The following RBFOX1 variants were observed in gnomAD, a reference collection of about 807,000 sequenced individuals.
The protein encoded by RBFOX1 is RNA binding protein fox-1 homolog 1.
Under a neutral mutation model 57.7 loss-of-function variants are expected in RBFOX1, and 8 were observed. That is an observed-to-expected ratio of 0.14 (90% confidence interval 0.08 to 0.25). The LOEUF (loss-of-function observed/expected upper bound fraction) is 0.25. RBFOX1 is among the 10% of genes least tolerant of loss of function. The pLI, the probability that RBFOX1 is intolerant of heterozygous loss-of-function variation, is 1.00. For synonymous variants in RBFOX1, 326 were observed against 222.4 expected, an observed-to-expected ratio of 1.47 and a Z score of -4.15; for missense variants, 611 against 548.5, an observed-to-expected ratio of 1.11 and a Z score of -1.14.
chr16:7,496,993 C>T (rs770487999), intron 4 of RBFOX1, among the ~76,000 whole-genome samples: 7 of 152,076 alleles, frequency 4.6e-5, no homozygotes, highest in Non-Finnish European at 7.4e-5. Flanking sequence ...GGCTTTGTCA[C>T]GTCTCCCATA....
intron 2 of RBFOX1, among the ~76,000 whole-genome samples, chr16:5,590,705 A>G (rs948678115): frequency 2.0e-5 from 3 of 152,098 alleles, no homozygotes; most frequent in African/African-American, 4.8e-5. Flanking sequence ...TGGTCACCCT[A>G]CCCCAGGAGG....
At chr16:7,632,157 C>A (rs974735634) in intron 11 of RBFOX1, among the ~76,000 whole-genome samples, 1 of 152,204 alleles carries the variant, frequency 6.6e-6, no homozygotes. Context: ...GATCCATCCA[C>A]CTCAGCCTCC....
intron 3 of RBFOX1, among the ~76,000 whole-genome samples, chr16:5,665,970 G>A (rs1267095240): frequency 6.6e-6 from 1 of 152,234 alleles, no homozygotes; most frequent in East Asian, 1.9e-4. Flanking sequence ...ATGTCAAAGG[G>A]TGAATGGGAT....
At chr16:6,184,542 T>G (rs1043593314) in intron 1 of RBFOX1, among the ~76,000 whole-genome samples, 8 of 151,918 alleles carry the variant, frequency 5.3e-5, no homozygotes, top group Non-Finnish European at 1.2e-4. Context: ...GAGGGGTCAG[T>G]GTTTACTATG....
chr16:6,906,304 G>C (rs2069916102), intron 3 of RBFOX1, among the ~76,000 whole-genome samples: 1 of 151,836 alleles, frequency 6.6e-6, no homozygotes, highest in Non-Finnish European at 1.5e-5. Flanking sequence ...CTGTTGGCTG[G>C]GGTAATAAAA....
chr16:5,411,830 C>G (rs1470195269), intron 1 of RBFOX1, among the ~76,000 whole-genome samples: 1 of 152,088 alleles, frequency 6.6e-6, no homozygotes, highest in South Asian at 2.1e-4. Flanking sequence ...CTGCAATGAA[C>G]TCTGATTGCA....
intron 4 of RBFOX1, among the ~76,000 whole-genome samples, chr16:7,371,050 T>C (rs1446325931): frequency 6.6e-6 from 1 of 152,162 alleles, no homozygotes; most frequent in African/African-American, 2.4e-5. Flanking sequence ...CTGTATTTTG[T>C]TCTCCTCTCC....
At chr16:7,567,468 T>TAC (rs1395891974) in intron 5 of RBFOX1, among the ~76,000 whole-genome samples, 2 of 125,036 alleles carry the variant, frequency 1.6e-5, no homozygotes, top group Admixed American at 8.2e-5. Flanking sequence ...GCCCTATATA[T>TAC]ATATCCCTAT....
chr16:5,666,546 C>T (rs1331590380), intron 3 of RBFOX1, among the ~76,000 whole-genome samples: 2 of 152,152 alleles, frequency 1.3e-5, no homozygotes, highest in Non-Finnish European at 2.9e-5. Context: ...TCTGTTGGAA[C>T]AGATAGATGA....
rs549807880 is a variant in RBFOX1, at chr16:7,274,941, C to T, written c.27+222843C>T. On this transcript the variant is annotated intron_variant, in intron 4 of 15. Coordinates refer to ENST00000550418, the MANE Select transcript of RBFOX1 (RefSeq NM_018723.4). The stretch of plus-strand genomic sequence containing the variant: ...TGAAGTGACCTGCCTGCCTCGGCCT[C>T]CCAAAGTGCTGGAATTAGAGGTGTG... 2.6e-5 allele frequency among the ~76,000 whole-genome samples: 4 copies of T among 152,218 alleles called. No homozygotes were observed. The South Asian group carries it at 6.2e-4, about 24-fold the overall frequency.
At chr16:6,055,454 G>A (rs550039623) in intron 1 of RBFOX1, among the ~76,000 whole-genome samples, 3 of 151,972 alleles carry the variant, frequency 2.0e-5, no homozygotes, top group South Asian at 4.2e-4. Flanking sequence ...TTAGCGAGGT[G>A]TTGTGGTGCG....
At position 6,796,236 on chromosome 16, in the gene RBFOX1, A is replaced by T. The variant is rs191588311; in HGVS notation, c.-16+141586A>T. Among the ~76,000 whole-genome samples, 8 of 152,248 alleles carry T rather than the reference A, an allele frequency of 5.3e-5. No homozygotes were observed. The East Asian group carries it at 1.5e-3, about 29-fold the overall frequency. On this transcript the variant is annotated intron_variant, in intron 3 of 15. Transcript: ENST00000550418. ...GAAGAGACTTATTCACTATGAAGAG[A>T]ACAGTGAAGGAAAGACCCACCCCCG...
intron 4 of RBFOX1, among the ~76,000 whole-genome samples, chr16:7,344,157 C>G (rs1242210198): frequency 1.1e-5 from 1 of 89,848 alleles, no homozygotes; most frequent in Non-Finnish European, 2.1e-5. Flanking sequence ...CTGCAGTTTT[C>G]TCTTCGGTAA....
chr16:7,467,364 A>G (rs980645280), intron 4 of RBFOX1, among the ~76,000 whole-genome samples: 2 of 152,194 alleles, frequency 1.3e-5, no homozygotes, highest in African/African-American at 4.8e-5. Flanking sequence ...GGTCAACCAG[A>G]TTTTATCTGT....
intron 3 of RBFOX1, among the ~76,000 whole-genome samples, chr16:6,935,326 C>A (rs1206947152): frequency 6.6e-6 from 1 of 152,052 alleles, no homozygotes; most frequent in Non-Finnish European, 1.5e-5. Flanking sequence ...TGATAGTTTC[C>A]CTTCATAAAG....
chr16:6,092,853 G>C (rs1479854103), intron 1 of RBFOX1: 5 of 152,112 alleles, frequency 3.3e-5, no homozygotes, highest in Non-Finnish European at 5.9e-5. Context: ...ATTTGCTTAG[G>C]ATTGCCTTGA....
chr16:6,872,422 A>G (rs1181881184), intron 3 of RBFOX1, among the ~76,000 whole-genome samples: 2 of 151,938 alleles, frequency 1.3e-5, no homozygotes, highest in South Asian at 2.1e-4. Context: ...TCACCTTTTA[A>G]CACTTTAAGA....
intron 1 of RBFOX1, among the ~76,000 whole-genome samples, chr16:5,458,158 T>G (rs558420656): frequency 1.3e-5 from 2 of 152,370 alleles, no homozygotes; most frequent in South Asian, 2.1e-4. Flanking sequence ...AATTAAATAT[T>G]AATGTTGCAT....
upstream of RBFOX1, among the ~76,000 whole-genome samples, chr16:6,017,474 T>C (rs1264204178): frequency 6.6e-6 from 1 of 152,190 alleles, no homozygotes; most frequent in African/African-American, 2.4e-5. Context: ...AACCCAGATT[T>C]ATGGTTTCAT....
Sources: gnomAD v4.1 joint callset for allele counts (sites outside exome capture counted in the v4.1 genomes callset) on GRCh38, gnomAD v4.1.1 for gene constraint, MANE v1.5 for transcripts, NCBI Gene and HGNC (gene_info 2026-07-23, HGNC 2026-07-21) for gene names.